The following DOCK2 variants were observed in gnomAD, a reference collection of about 807,000 sequenced individuals.
DOCK2 encodes dedicator of cytokinesis protein 2.
DOCK2 carries 87 observed loss-of-function variants against 248.9 expected under a neutral mutation model. That is an observed-to-expected ratio of 0.35 (90% confidence interval 0.29 to 0.42). The LOEUF (loss-of-function observed/expected upper bound fraction) is 0.42, where lower values mean the gene tolerates loss of function less well. Ranked by LOEUF, DOCK2 falls within the 10% of genes least tolerant of loss-of-function variation. DOCK2 has a pLI of 1.00. For missense variants in DOCK2, 1,747 were observed against 2,300.2 expected (o/e 0.76, Z 4.92); for synonymous variants, 805 against 821.6 (o/e 0.98, Z 0.35).
chr5:170,063,684 C>G (rs954043898), intron 44 of DOCK2, among the ~76,000 whole-genome samples: 1 of 152,156 alleles, frequency 6.6e-6, no homozygotes, highest in African/African-American at 2.4e-5. Flanking sequence ...AAGTGCCACA[C>G]TAGAGCTCCC....
intron 26 of DOCK2, among the ~76,000 whole-genome samples, chr5:169,831,225 AAG>A (rs1409781616): frequency 6.6e-6 from 1 of 152,108 alleles, no homozygotes; most frequent in African/African-American, 2.4e-5. Flanking sequence ...TCAAAAAAAA[AAG>A]GTGTATATTA....
At chr5:170,080,418 T>C (rs1757987688) in intron 50 of DOCK2, 135 bp downstream of exon 50, 1 of 1,353,704 alleles carries the variant, frequency 7.4e-7, no homozygotes, top group Non-Finnish European at 1.0e-6. Flanking sequence ...GCTCTGCTCA[T>C]AGCCACCCAC....
chr5:169,829,410 A>G (rs777277416), intron 26 of DOCK2, among the ~76,000 whole-genome samples: 1 of 152,224 alleles, frequency 6.6e-6, no homozygotes, highest in Admixed American at 6.5e-5. Flanking sequence ...TAGCCCATGC[A>G]GTAATACTGA....
At chr5:169,689,186 G>T in intron 8 of DOCK2, 66 bp from the exon 9 acceptor site, 4 of 1,517,570 alleles carry the variant, frequency 2.6e-6, no homozygotes, top group South Asian at 1.1e-5. Context: ...GATGCTTGGT[G>T]AATGTTTTGA....
chr5:169,992,238 A>G (rs927966271), intron 29 of DOCK2, among the ~76,000 whole-genome samples: 1 of 152,254 alleles, frequency 6.6e-6, no homozygotes, highest in South Asian at 2.1e-4. Flanking sequence ...GAAAGAATCC[A>G]TGCAAAGCCC....
intron 24 of DOCK2, 136 bp downstream of exon 24, chr5:169,759,911 AG>A (rs1486698363): frequency 2.0e-5 from 18 of 922,614 alleles, no homozygotes. Flanking sequence ...GGATGTTTTC[AG>A]GGTTTCCGGT....
chr5:169,947,409 C>T (rs1056567453), intron 27 of DOCK2, among the ~76,000 whole-genome samples: 3 of 152,202 alleles, frequency 2.0e-5, no homozygotes, highest in Admixed American at 6.5e-5. Context: ...GCTTTCTCAT[C>T]CATTATTCTG....
intron 34 of DOCK2, among the ~76,000 whole-genome samples, chr5:170,029,304 T>C (rs1756040717): frequency 6.6e-6 from 1 of 152,244 alleles, no homozygotes; most frequent in Non-Finnish European, 1.5e-5. Flanking sequence ...ATTGTGGTTT[T>C]GAATTGCATT....
At chr5:169,867,421 CTGT>C (rs1771640535) in intron 27 of DOCK2, among the ~76,000 whole-genome samples, 2 of 147,790 alleles carry the variant, frequency 1.4e-5, no homozygotes, top group African/African-American at 2.4e-5. Flanking sequence ...GTCTGTCTGT[CTGT>C]CTGTCTGTCT....
rs113289730 is a variant in DOCK2 at position 170,008,489 on chromosome 5, A to G, written c.3073-8A>G. 171 of 1,613,946 alleles carry G rather than the reference A, an allele frequency of 1.1e-4. No individual in the cohort carries two copies. The African/African-American group carries it at 2.1e-3, about 20-fold the overall frequency. On this transcript the variant is annotated splice_polypyrimidine_tract_variant and splice_region_variant and intron_variant, in intron 30 of 51. Transcript: ENST00000520908. ...CTCCATAACTGTTCTCTGCTCTTTC[A>G]TTTACAGCTGTGGAACAACTATTTT...
Position 170,047,561 on chromosome 5 carries a change from C to T in DOCK2, c.4018C>T (p.Pro1340Ser), listed in dbSNP as rs752947346. 18 of 1,613,874 alleles carry T rather than the reference C, an allele frequency of 1.1e-5. No individual in the cohort carries two copies. Among genetic ancestry groups the T allele is most frequent in the Middle Eastern group, 1.6e-4 (1 of 6,082 alleles). ...CATCATGAAAATCCTCAGGCCCAAA[C>T]CAGACTACTTTGCTGTTGGATACTA... ...ESIMKILRPK[P>S]DYFAVGYYGQ... The change falls in exon 40 of 52, where the codon CCA becomes TCA. Residue 1340 changes from proline (P) to serine (S), a missense_variant. Physicochemically the swap from Pro to Ser is moderately conservative, Grantham distance 74. Transcript: ENST00000520908.
intron 25 of DOCK2, among the ~76,000 whole-genome samples, chr5:169,801,488 A>G (rs1485791915): frequency 6.6e-6 from 1 of 152,200 alleles, no homozygotes; most frequent in African/African-American, 2.4e-5. Flanking sequence ...CGACACTTGC[A>G]ACAGTGCCTA....
intron 36 of DOCK2, chr5:170,040,587 T>A (rs1756482434): frequency 1.1e-5 from 2 of 178,222 alleles, no homozygotes; most frequent in South Asian, 2.5e-4. Flanking sequence ...ACTCCTTCAA[T>A]GACACAGTGA....
At chr5:169,915,012 C>A (rs1180705858) in intron 27 of DOCK2, among the ~76,000 whole-genome samples, 1 of 152,264 alleles carries the variant, frequency 6.6e-6, no homozygotes, top group East Asian at 1.9e-4. Context: ...CATTGCAAGG[C>A]AAACTCACAG....
intron 29 of DOCK2, among the ~76,000 whole-genome samples, chr5:169,994,966 T>G (rs547586115): frequency 2.0e-5 from 3 of 151,734 alleles, no homozygotes; most frequent in African/African-American, 7.3e-5. Flanking sequence ...TAAGGAGAAA[T>G]GCAAATTGAC....
In DOCK2 at chr5:169,822,561, T is replaced by C. The variant is rs1768530956; in HGVS notation, c.2704-18196T>C. 5.9e-5 allele frequency among the ~76,000 whole-genome samples: 9 copies of C among 152,334 alleles called. No individual in the cohort carries two copies. The South Asian group carries it at 1.9e-3, about 32-fold the overall frequency. On this transcript the variant is annotated intron_variant, in intron 26 of 51. Coordinates refer to ENST00000520908, the MANE Select transcript of DOCK2 (RefSeq NM_004946.3). ...TGAAGGCAGAAATAAAGATGTTCTT[T>C]GAAACCAACGAGAACAAAGACACAA...
intron 25 of DOCK2, among the ~76,000 whole-genome samples, chr5:169,783,548 A>G (rs908276371): frequency 6.6e-6 from 1 of 152,154 alleles, no homozygotes; most frequent in Non-Finnish European, 1.5e-5. Flanking sequence ...TGAAATTAGT[A>G]TGATTATTAT....
chr5:170,031,785 C>A lies in DOCK2; in HGVS notation c.3468-2614C>A, dbSNP rs543904744. ...TCACCAATCCTAGATGGTTTGAGCA[C>A]CTTTCTTGCTCCATGCATAAAGAAT... On this transcript the variant is annotated intron_variant, in intron 34 of 51. Transcript: ENST00000520908. 5.3e-5 allele frequency among the ~76,000 whole-genome samples: 8 copies of A among 152,288 alleles called. No homozygotes were observed. In the South Asian group the frequency reaches 6.2e-4, roughly 12 times the overall value.
At chr5:169,929,150 A>T (rs2113675804) in intron 27 of DOCK2, among the ~76,000 whole-genome samples, 1 of 152,352 alleles carries the variant, frequency 6.6e-6, no homozygotes, top group East Asian at 1.9e-4. Context: ...CCACGCACAT[A>T]GCACTTAGGC....
Sources: gnomAD v4.1 joint callset for allele counts (sites outside exome capture counted in the v4.1 genomes callset) on GRCh38, gnomAD v4.1.1 for gene constraint, MANE v1.5 for transcripts, NCBI Gene and HGNC (gene_info 2026-07-23, HGNC 2026-07-21) for gene names.